FAAP20: variants seen among roughly 807,000 people sequenced by gnomAD.
The protein encoded by FAAP20 is Fanconi anemia core complex-associated protein 20.
In FAAP20, 12 loss-of-function variants were observed where a neutral mutation model predicts 16.2. The observed-to-expected ratio is 0.74, with a 90% CI of 0.48 to 1.20. The LOEUF (loss-of-function observed/expected upper bound fraction) is 1.20, where lower values mean the gene tolerates loss of function less well. Among genes scored for constraint, FAAP20 ranks in the 50% most tolerant of loss-of-function variants. FAAP20 has a pLI of 0.00. For synonymous variants in FAAP20, 141 were observed against 110.7 expected, an observed-to-expected ratio of 1.27 and a Z score of -1.72; for missense variants, 288 against 245.8, an observed-to-expected ratio of 1.17 and a Z score of -1.15.
At chr1:2,204,677 G>A (rs1051693218), upstream of FAAP20, among the ~76,000 whole-genome samples, 6 of 152,100 alleles carry the variant, frequency 3.9e-5, no homozygotes, top group Admixed American at 6.5e-5. Context: ...ACTGCCCAGC[G>A]CCTTCAGGAC....
chr1:2,193,388 C>T, intron 3 of FAAP20: 1 of 600,924 alleles, frequency 1.7e-6, no homozygotes, highest in South Asian at 2.4e-5. Flanking sequence ...CCAGTGCTCC[C>T]AGCCTTCCTT....
upstream of FAAP20, chr1:2,198,608 G>A (rs1350972416): frequency 2.7e-5 from 31 of 1,130,966 alleles, no homozygotes; most frequent in African/African-American, 4.9e-5. Context: ...TAAGCAGCCC[G>A]GTGGCCGTGC....
chr1:2,207,927 T>C (rs1026134529), downstream of FAAP20, among the ~76,000 whole-genome samples: 9,467 of 91,528 alleles, frequency 0.1, 940 homozygotes, highest in African/African-American at 0.25. Flanking sequence ...TGTGTGTGTG[T>C]GTGTGTGTGT....
downstream of FAAP20, chr1:2,186,280 TAGG>T: frequency 1.1e-5 from 3 of 276,402 alleles, no homozygotes; most frequent in Non-Finnish European, 2.2e-5. Context: ...AACCCCAAGT[TAGG>T]AGGTCTGTGC....
chr1:2,194,588 C>T, intron 1 of FAAP20, 100 bp downstream of exon 1: 1 of 580,700 alleles, frequency 1.7e-6, no homozygotes, highest in Non-Finnish European at 2.3e-6. Context: ...GGCAGGGAGC[C>T]CTCCCCAGGG....
At position 2,193,537 on chromosome 1, in the gene FAAP20, TA is replaced by T. The variant is rs997323860; in HGVS notation, c.470+101del. 27 of 1,511,922 alleles carry T rather than the reference TA, an allele frequency of 1.8e-5. No individual in the cohort carries two copies. The African/African-American group carries it at 3.8e-4, about 21-fold the overall frequency. The allele number at this position is 1,511,922 out of a possible 1,614,324, so 93.7% of individuals were successfully genotyped here. ...ACCTTTCCAGTGTGAAACAGGGCTT[TA>T]AAAGCCAGCGCTGAGCTCGGCCACC... On this transcript the variant is annotated intron_variant, in intron 3 of 3. Coordinates refer to ENST00000378546, the MANE Select transcript of FAAP20 (RefSeq NM_182533.4).
At position 2,194,103 on chromosome 1, in the gene FAAP20, C is replaced by G; in HGVS notation, c.93G>C (p.Leu31=). ...AGAGCCGCTCCCGCTCATCACCCCC[C>G]AGGAGAAACCAGGGGCGGCCGCCAG... The part of the protein sequence containing the change: ...GPSGGRPWFL[L]GGDERERLWA... Residue 31 remains leucine (L), a synonymous_variant, in exon 2 of 4, where the codon CTG becomes CTC. Coordinates refer to ENST00000378546, the MANE Select transcript of FAAP20 (RefSeq NM_182533.4). 6.2e-7 allele frequency: 1 copy of G among 1,612,412 alleles called. No individual in the cohort carries two copies. The highest frequency in any genetic ancestry group is 2.2e-5 in the East Asian group (1 of 44,826).
In FAAP20 at chr1:2,189,691, A is replaced by T; in HGVS notation, c.*18T>A. On this transcript the variant is annotated 3_prime_UTR_variant, in exon 4 of 4. Transcript: ENST00000378546. ...CGTGTCCGGGCGCCGCACTCTGCGC[A>T]GGGCTCTTGGATGGCGCTCACCACG... 1 of 1,604,834 alleles carries T rather than the reference A, an allele frequency of 6.2e-7. No individual in the cohort carries two copies. The highest frequency in any genetic ancestry group is 1.1e-5 in the South Asian group (1 of 90,960).
In FAAP20 at chr1:2,193,796, G is replaced by A; in HGVS notation, c.313C>T (p.His105Tyr). The A allele has an allele frequency of 1.2e-6, 2 of 1,603,834 alleles. No individual in the cohort carries two copies. Among genetic ancestry groups the A allele is most frequent in the Non-Finnish European group, 1.7e-6 (2 of 1,177,388 alleles). Residue 105 changes from histidine (H) to tyrosine (Y), a missense_variant, in exon 3 of 4, where the codon CAC (histidine) becomes TAC (tyrosine). By Grantham distance (83) the His-to-Tyr change is moderately conservative. Transcript: ENST00000378546. ...GATTCCAGGTGCCCTCCTGCCCCGT[G>A]AAGCAGCCGGTAGGAACGGCCCGGG... is the stretch of plus-strand genomic sequence containing the variant. ...WGPGRSYRLL[H>Y]GAGGHLESPA... is the part of the protein sequence containing the mutation.
downstream of FAAP20, among the ~76,000 whole-genome samples, chr1:2,211,418 TATATATATATATATATA>T (rs1449047279): frequency 7.5e-5 from 2 of 26,522 alleles, no homozygotes; most frequent in East Asian, 9.8e-4. Flanking sequence ...TATATATATA[TATATATATATATATATA>T]TTTTTTTTTT....
chr1:2,193,691 CCTCCACAGACGGCTGCTG>C lies in FAAP20; in HGVS notation c.400_417del (p.Gln134_Glu139del). 1 of 1,597,528 alleles carries C rather than the reference CCTCCACAGACGGCTGCTG, an allele frequency of 6.3e-7. No individual in the cohort carries two copies. Among genetic ancestry groups the C allele is most frequent in the African/African-American group, 1.4e-5 (1 of 73,924 alleles). ...GGGCAGCTGCGCAGGGCCGCGGCACCCTCCACAGACGGCTGCTGCTCCACCCTGGGGGCCCTGCAGGGA... is the reference window on the plus strand; with the variant it reads ...GGGCAGCTGCGCAGGGCCGCGGCACCCTCCACCCTGGGGGCCCTGCAGGGA... On this transcript the variant is annotated inframe_deletion, in exon 3 of 4. Transcript: ENST00000378546.
At chr1:2,200,849 G>T, upstream of FAAP20, 1 of 1,063,356 alleles carries the variant, frequency 9.4e-7, no homozygotes, top group Non-Finnish European at 1.1e-6. Flanking sequence ...CTCCAAGTGG[G>T]CCAGGAAACC....
intron 1 of FAAP20, 22 bp downstream of exon 1, chr1:2,194,666 C>A: frequency 8.8e-7 from 1 of 1,135,750 alleles, no homozygotes; most frequent in African/African-American, 1.6e-5. Context: ...CGGCCGCGCC[C>A]CCGCCCGGCT....
chr1:2,189,704 GGC>G lies in FAAP20; in HGVS notation c.*3_*4del. 6.2e-7 allele frequency: 1 copy of G among 1,612,234 alleles called. No individual in the cohort carries two copies. The highest frequency in any genetic ancestry group is 8.5e-7 in the Non-Finnish European group (1 of 1,179,348). ...CGCACTCTGCGCAGGGCTCTTGGATGGCGCTCACCACGTCACGTCTTCTGTGC... is the reference window on the plus strand; with the variant it reads ...CGCACTCTGCGCAGGGCTCTTGGATGGCTCACCACGTCACGTCTTCTGTGC... On this transcript the variant is annotated 3_prime_UTR_variant, in exon 4 of 4. Coordinates refer to ENST00000378546, the MANE Select transcript of FAAP20 (RefSeq NM_182533.4).
downstream of FAAP20, among the ~76,000 whole-genome samples, chr1:2,209,112 C>T (rs1310187813): frequency 1.2e-4 from 18 of 152,162 alleles, no homozygotes; most frequent in Non-Finnish European, 2.4e-4. Context: ...CAAACAGGCA[C>T]GGTGTCCTCT....
downstream of FAAP20, among the ~76,000 whole-genome samples, chr1:2,209,668 C>T (rs980812129): frequency 3.3e-5 from 5 of 152,208 alleles, no homozygotes; most frequent in East Asian, 1.9e-4. Flanking sequence ...GGCAGCAGGC[C>T]GAGGCACACG....
Position 2,192,255 on chromosome 1 carries a change from C to T in FAAP20, c.470+1384G>A, listed in dbSNP as rs929936443. ...TTGTCCCCCAGCTAGCCTGCCCATG[C>T]GGTGGCCACAGCCTCGGGTGAGTTC... On this transcript the variant is annotated intron_variant, in intron 3 of 3. Transcript: ENST00000378546. The T allele has an allele frequency of 1.3e-5, 13 of 986,248 alleles. No homozygotes were observed. The East Asian group carries it at 5.7e-4, about 43-fold the overall frequency. 61.1% of individuals were successfully genotyped at this position (986,248 alleles called of 1,614,324 possible). A position where few individuals can be genotyped will look rare whatever the true frequency, so the allele number is the denominator to read the frequency against.
At chr1:2,189,147 T>TGGCAA (rs1038688525), downstream of FAAP20, among the ~76,000 whole-genome samples, 1 of 149,750 alleles carries the variant, frequency 6.7e-6, no homozygotes, top group Non-Finnish European at 1.5e-5. Flanking sequence ...CTGGGCAACA[T>TGGCAA]GGCAAGACCC....
At chr1:2,185,939 G>C (rs1687528413), downstream of FAAP20, 1 of 334,580 alleles carries the variant, frequency 3.0e-6, no homozygotes, top group Non-Finnish European at 5.9e-6. Context: ...AGAAACACAG[G>C]CACTCTTCCC....
Sources: gnomAD v4.1 joint callset for allele counts (sites outside exome capture counted in the v4.1 genomes callset) on GRCh38, gnomAD v4.1.1 for gene constraint, MANE v1.5 for transcripts, NCBI Gene and HGNC (gene_info 2026-07-23, HGNC 2026-07-21) for gene names.